NRXN3: variants seen among roughly 807,000 people sequenced by gnomAD.
NRXN3 encodes the protein neurexin 3.
A neutral mutation model predicts 137.6 loss-of-function variants in NRXN3; 32 were observed. That is an observed-to-expected ratio of 0.23 (90% CI 0.18 to 0.31). The LOEUF is 0.31. Ranked by LOEUF, NRXN3 falls within the 10% of genes least tolerant of loss-of-function variation. The pLI, the probability that NRXN3 is intolerant of heterozygous loss-of-function variation, is 1.00. For synonymous variants in NRXN3, 798 were observed against 784.5 expected (o/e 1.02, Z -0.29); for missense variants, 1,574 against 2,062.5 (o/e 0.76, Z 4.59).
At chr14:79,780,037 TAATTTA>T (rs2099109034) in intron 19 of NRXN3, among the ~76,000 whole-genome samples, 1 of 152,098 alleles carries the variant, frequency 6.6e-6, no homozygotes, top group Non-Finnish European at 1.5e-5. Context: ...CCCTTCTCTA[TAATTTA>T]AATGTTATCT....
intron 15 of NRXN3, among the ~76,000 whole-genome samples, chr14:79,420,199 A>G (rs546592885): frequency 6.6e-6 from 1 of 152,246 alleles, no homozygotes; most frequent in East Asian, 1.9e-4. Context: ...CAGAACATCT[A>G]TGTGAGGTAG....
chr14:79,424,044 A>G (rs2095619673), intron 15 of NRXN3, among the ~76,000 whole-genome samples: 1 of 152,224 alleles, frequency 6.6e-6, no homozygotes, highest in African/African-American at 2.4e-5. Context: ...CTCCATGCAC[A>G]GAAAATGAAT....
At chr14:79,809,762 TC>T (rs1189293560) in intron 20 of NRXN3, among the ~76,000 whole-genome samples, 1 of 152,210 alleles carries the variant, frequency 6.6e-6, no homozygotes, top group Admixed American at 6.5e-5. Context: ...ACTGTTTCAT[TC>T]CCAACTGCAC....
intron 16 of NRXN3, among the ~76,000 whole-genome samples, chr14:79,647,442 A>C (rs1603336668): frequency 7.4e-6 from 1 of 135,834 alleles, no homozygotes; most frequent in East Asian, 1.9e-4. Flanking sequence ...TTTTATTATC[A>C]TTATCTTTTC....
chr14:79,746,542 C>T lies in NRXN3; in HGVS notation c.4014+48605C>T, dbSNP rs74344648. 9.4e-4 allele frequency among the ~76,000 whole-genome samples: 143 copies of T among 152,192 alleles called. 1 individual carries two copies. The highest frequency in any genetic ancestry group is 1.4e-3 in the Non-Finnish European group (94 of 67,990). ...CTGGAAATGGAGCTAGGTCCAATCT[C>T]AAAATACATACTTTTTCAATCATAC... On this transcript the variant is annotated intron_variant, in intron 19 of 20. Transcript: ENST00000335750.
At chr14:79,102,423 T>C (rs1159697602) in intron 15 of NRXN3, among the ~76,000 whole-genome samples, 1 of 152,198 alleles carries the variant, frequency 6.6e-6, no homozygotes, top group Admixed American at 6.6e-5. Context: ...TCAAACTTCC[T>C]GGCCTCCTGA....
intron 15 of NRXN3, among the ~76,000 whole-genome samples, chr14:79,011,625 A>G (rs2099571483): frequency 6.6e-6 from 1 of 151,994 alleles, no homozygotes; most frequent in South Asian, 2.1e-4. Context: ...GCATCAATAA[A>G]TGGAACTAGT....
intron 10 of NRXN3, among the ~76,000 whole-genome samples, chr14:78,824,541 A>T (rs2098960867): frequency 6.6e-6 from 1 of 152,230 alleles, no homozygotes; most frequent in Non-Finnish European, 1.5e-5. Context: ...CTGTAGATAA[A>T]CACAGATTTC....
intron 15 of NRXN3, 107 bp downstream of exon 15, chr14:78,988,248 GT>G: frequency 7.3e-7 from 1 of 1,363,644 alleles, no homozygotes; most frequent in Non-Finnish European, 1.0e-6. Context: ...AGATTCATAA[GT>G]AATTCTCTCC....
intron 15 of NRXN3, among the ~76,000 whole-genome samples, chr14:79,341,868 A>G (rs2092626760): frequency 1.3e-5 from 2 of 152,208 alleles, no homozygotes; most frequent in South Asian, 4.1e-4. Flanking sequence ...AAACAAAGCA[A>G]AAAGGGCAAT....
At chr14:79,327,417 C>G (rs1337993241) in intron 15 of NRXN3, among the ~76,000 whole-genome samples, 1 of 152,186 alleles carries the variant, frequency 6.6e-6, no homozygotes, top group Non-Finnish European at 1.5e-5. Flanking sequence ...ACTTGTCCTC[C>G]TTACTAACAC....
chr14:78,520,435 C>G (rs530404726), intron 4 of NRXN3, among the ~76,000 whole-genome samples: 3 of 151,984 alleles, frequency 2.0e-5, no homozygotes. Context: ...ATACTTATTA[C>G]GTATTTATTG....
chr14:78,412,361 G>A (rs2092883504), intron 4 of NRXN3, among the ~76,000 whole-genome samples: 1 of 152,180 alleles, frequency 6.6e-6, no homozygotes, highest in African/African-American at 2.4e-5. Flanking sequence ...ATAATGGCAG[G>A]TACTGTGAGA....
intron 15 of NRXN3, among the ~76,000 whole-genome samples, chr14:79,292,740 T>C (rs964406747): frequency 6.6e-6 from 1 of 152,198 alleles, no homozygotes; most frequent in Non-Finnish European, 1.5e-5. Context: ...TGAATATGTG[T>C]GTGTTTGCTT....
intron 15 of NRXN3, among the ~76,000 whole-genome samples, chr14:78,992,642 C>T (rs550408734): frequency 3.9e-5 from 6 of 152,242 alleles, no homozygotes; most frequent in Admixed American, 2.0e-4. Context: ...GAATAGAACC[C>T]TCCTGCATGC....
At chr14:79,401,020 C>T (rs979062947) in intron 15 of NRXN3, among the ~76,000 whole-genome samples, 3 of 152,148 alleles carry the variant, frequency 2.0e-5, no homozygotes, top group Non-Finnish European at 4.4e-5. Context: ...TTACAATTCT[C>T]AAGCATCAGT....
At chr14:78,638,733 G>A (rs1408306219) in intron 4 of NRXN3, among the ~76,000 whole-genome samples, 1 of 152,166 alleles carries the variant, frequency 6.6e-6, no homozygotes, top group East Asian at 1.9e-4. Context: ...TGGATAGTAA[G>A]GAAACAGACT....
chr14:78,509,234 G>C (rs1364021356), intron 4 of NRXN3, among the ~76,000 whole-genome samples: 1 of 152,132 alleles, frequency 6.6e-6, no homozygotes, highest in African/African-American at 2.4e-5. Context: ...GGGAGGCAGA[G>C]GTTACAGTGA....
intron 6 of NRXN3, among the ~76,000 whole-genome samples, chr14:78,708,900 G>T (rs1056882015): frequency 2.0e-5 from 3 of 152,200 alleles, no homozygotes; most frequent in African/African-American, 7.2e-5. Flanking sequence ...TTTGTATGAA[G>T]TATGTGAATC....
Sources: allele counts gnomAD v4.1 joint callset (sites outside exome capture counted in the v4.1 genomes callset), GRCh38; gene constraint gnomAD v4.1.1; transcripts MANE v1.5; gene names NCBI Gene and HGNC (gene_info 2026-07-23, HGNC 2026-07-21).